Variants in BRAF observed in about 807,000 individuals in gnomAD.
BRAF encodes serine/threonine-protein kinase B-raf.
Under a neutral mutation model 104.6 loss-of-function variants are expected in BRAF, and 16 were observed. The observed-to-expected ratio is 0.15, with a 90% CI of 0.10 to 0.23. The LOEUF (loss-of-function observed/expected upper bound fraction) is 0.23, where lower values mean the gene tolerates loss of function less well. BRAF is among the 10% of genes least tolerant of loss of function. The probability of loss-of-function intolerance (pLI) is 1.00; values close to 1 mark genes in which losing one functional copy is unlikely to be tolerated. For synonymous variants in BRAF, 310 were observed against 341.6 expected, an observed-to-expected ratio of 0.91 and a Z score of 1.02; for missense variants, 541 against 937.3, an observed-to-expected ratio of 0.58 and a Z score of 5.52.
At chr7:140,784,775 G>T (rs1474666112) in intron 10 of BRAF, among the ~76,000 whole-genome samples, 1 of 151,958 alleles carries the variant, frequency 6.6e-6, no homozygotes, top group South Asian at 2.1e-4. Context: ...CTCCCAAGTA[G>T]CTGGGATTAC....
At chr7:140,897,709 C>T (rs543859797) in intron 1 of BRAF, among the ~76,000 whole-genome samples, 30 of 151,730 alleles carry the variant, frequency 2.0e-4, no homozygotes, top group African/African-American at 6.8e-4. Flanking sequence ...TTCATCCATG[C>T]CAGGATGGTC....
intron 2 of BRAF, among the ~76,000 whole-genome samples, chr7:140,841,541 T>C (rs145635174): frequency 1.3e-5 from 2 of 152,306 alleles, no homozygotes; most frequent in East Asian, 1.9e-4. Context: ...ATGTGTATGA[T>C]GAAATATTCA....
At chr7:140,755,420 T>C (rs956488899) in intron 14 of BRAF, among the ~76,000 whole-genome samples, 8 of 152,194 alleles carry the variant, frequency 5.3e-5, no homozygotes, top group Non-Finnish European at 8.8e-5. Flanking sequence ...GATTTGCAAA[T>C]AACCAAGATT....
intron 17 of BRAF, among the ~76,000 whole-genome samples, chr7:140,742,136 T>C (rs1174044432): frequency 6.6e-6 from 1 of 152,120 alleles, no homozygotes; most frequent in Non-Finnish European, 1.5e-5. Flanking sequence ...GAGTCAAGTA[T>C]CCCTGGGGTT....
At chr7:140,835,331 C>T (rs1807210216) in intron 2 of BRAF, 6 of 175,640 alleles carry the variant, frequency 3.4e-5, no homozygotes, top group Admixed American at 3.3e-4. Context: ...TTGAAAAGGA[C>T]ATGAGGTATT....
At position 140,743,083 on chromosome 7, in the gene BRAF, G is replaced by A. The variant is rs555632525; in HGVS notation, c.2113-3137C>T. Among the ~76,000 whole-genome samples the A allele has an allele frequency of 3.2e-3, 492 of 152,284 alleles. 3 individuals are homozygous for A. Among genetic ancestry groups the A allele is most frequent in the African/African-American group, 0.011 (470 of 41,528 alleles). On this transcript the variant is annotated intron_variant, in intron 17 of 19. Coordinates refer to ENST00000644969, the MANE Select transcript of BRAF (RefSeq NM_001374258.1). ...AAAAGTCAGGAAACAACAGGTGCTGGAGAGGATGTGGAGAAATAGGAACAC... is the reference window on the plus strand; with the variant it reads ...AAAAGTCAGGAAACAACAGGTGCTGAAGAGGATGTGGAGAAATAGGAACAC...
intron 2 of BRAF, among the ~76,000 whole-genome samples, chr7:140,846,345 T>C (rs1808542070): frequency 6.6e-6 from 1 of 152,172 alleles, no homozygotes; most frequent in Non-Finnish European, 1.5e-5. Flanking sequence ...AATTTTGATA[T>C]ATGCATTATC....
chr7:140,739,673 T>C (rs938849898), intron 18 of BRAF, 139 bp downstream of exon 17: 7 of 984,048 alleles, frequency 7.1e-6, no homozygotes, highest in South Asian at 1.5e-5. Context: ...CATGAAGCCA[T>C]CTTAATGTGT....
At chr7:140,714,763 A>T (rs773832580), downstream of BRAF, among the ~76,000 whole-genome samples, 10 of 152,234 alleles carry the variant, frequency 6.6e-5, no homozygotes, top group Non-Finnish European at 1.5e-4. Flanking sequence ...AAGGGTAGAC[A>T]GTCACTAACC....
chr7:140,714,782 T>C (rs1795100856), downstream of BRAF, among the ~76,000 whole-genome samples: 1 of 152,114 alleles, frequency 6.6e-6, no homozygotes, highest in Admixed American at 6.6e-5. Flanking sequence ...CCAAGTGAGA[T>C]TTACTAAGTG....
At chr7:140,808,086 T>G (rs2129047938) in intron 4 of BRAF, 24 bp from the exon 5 acceptor site, 2 of 1,552,492 alleles carry the variant, frequency 1.3e-6, no homozygotes, top group East Asian at 2.2e-5. Context: ...ACACAAGCCT[T>G]TCTTGGTTAT....
At chr7:140,902,230 T>C (rs1270560227) in intron 1 of BRAF, among the ~76,000 whole-genome samples, 2 of 152,244 alleles carry the variant, frequency 1.3e-5, no homozygotes, top group Non-Finnish European at 2.9e-5. Flanking sequence ...TGCATTATTA[T>C]GCTGTCTATT....
In BRAF at chr7:140,877,462, A is replaced by G. The variant is rs139502020; in HGVS notation, c.139-27250T>C. 8.3e-4 allele frequency among the ~76,000 whole-genome samples: 127 copies of G among 152,308 alleles called. 1 individual carries two copies. The highest frequency in any genetic ancestry group is 2.5e-3 in the African/African-American group (106 of 41,572). On this transcript the variant is annotated intron_variant, in intron 1 of 19. Transcript: ENST00000644969. ...AGCAAAGAAAAACAGTTGCAAATCT[A>G]TCTTAAGAAACTTGAAGAACTAAAT... is the stretch of plus-strand genomic sequence containing the variant.
In BRAF at chr7:140,724,159, T is replaced by C; in HGVS notation, c.*2335A>G. The C allele has an allele frequency of 1.9e-6, 2 of 1,054,420 alleles. No homozygotes were observed. The highest frequency in any genetic ancestry group is 9.1e-5 in the South Asian group (2 of 21,886). 65.3% of individuals were successfully genotyped at this position (1,054,420 alleles called of 1,614,324 possible). On this transcript the variant is annotated 3_prime_UTR_variant, in exon 20 of 20. Transcript: ENST00000644969. ...AAAAGTGTATCACCCTGAATATTGT[T>C]TAAGAAACTGAAATGCTAAGCTTCC...
At chr7:140,917,853 T>A (rs188520777) in intron 1 of BRAF, among the ~76,000 whole-genome samples, 3 of 152,314 alleles carry the variant, frequency 2.0e-5, no homozygotes, top group East Asian at 1.9e-4. Context: ...GAAAATGATA[T>A]GAAATTCAAA....
At chr7:140,784,618 T>C (rs1027127269) in intron 10 of BRAF, among the ~76,000 whole-genome samples, 6 of 152,014 alleles carry the variant, frequency 3.9e-5, no homozygotes, top group Non-Finnish European at 5.9e-5. Flanking sequence ...TCTTTAAAAA[T>C]ATTTAGAGAA....
At chr7:140,745,035 A>G (rs1040534904) in intron 17 of BRAF, among the ~76,000 whole-genome samples, 2 of 152,146 alleles carry the variant, frequency 1.3e-5, no homozygotes, top group Non-Finnish European at 2.9e-5. Flanking sequence ...CTGTGACAGA[A>G]ACAATACAAA....
At chr7:140,800,905 T>G in intron 6 of BRAF, 1 of 250,932 alleles carries the variant, frequency 4.0e-6, no homozygotes, top group South Asian at 4.8e-5. Flanking sequence ...TCTAATCTAT[T>G]AGAAAAACTG....
At position 140,724,358 on chromosome 7, in the gene BRAF, A is replaced by G. The variant is rs1795482008; in HGVS notation, c.*2136T>C. 9.5e-7 allele frequency: 1 copy of G among 1,054,922 alleles called. No homozygotes were observed. The highest frequency in any genetic ancestry group is 4.6e-5 in the South Asian group (1 of 21,902). The allele number at this position is 1,054,922 out of a possible 1,614,324, so 65.3% of individuals were successfully genotyped here. On this transcript the variant is annotated 3_prime_UTR_variant, in exon 20 of 20. Transcript: ENST00000644969. ...TAAAGGGAACACAGCCACATTTAAA[A>G]GCATCTAGAGATATATTTAAAAAGA...
Sources: allele counts gnomAD v4.1 joint callset (sites outside exome capture counted in the v4.1 genomes callset), GRCh38; gene constraint gnomAD v4.1.1; transcripts MANE v1.5; gene names NCBI Gene and HGNC (gene_info 2026-07-23, HGNC 2026-07-21).